Variants in SLC24A3 observed in about 807,000 individuals in gnomAD.
SLC24A3 encodes the protein sodium/potassium/calcium exchanger 3.
Under a neutral mutation model 75.8 loss-of-function variants are expected in SLC24A3, and 28 were observed. The observed-to-expected ratio is 0.37, with a 90% confidence interval of 0.27 to 0.51. The LOEUF (loss-of-function observed/expected upper bound fraction) is 0.51, where lower values mean the gene tolerates loss of function less well. SLC24A3 is among the 20% of genes least tolerant of loss of function. The probability of loss-of-function intolerance (pLI) is 0.94; values close to 1 mark genes in which losing one functional copy is unlikely to be tolerated. For missense variants in SLC24A3, 663 were observed against 847.8 expected, an observed-to-expected ratio of 0.78 and a Z score of 2.71; for synonymous variants, 372 against 334.1, an observed-to-expected ratio of 1.11 and a Z score of -1.24.
intron 3 of SLC24A3, among the ~76,000 whole-genome samples, chr20:19,555,779 C>T (rs762364828): frequency 5.3e-5 from 8 of 152,232 alleles, no homozygotes; most frequent in Non-Finnish European, 1.2e-4. Flanking sequence ...AAGGACCCCT[C>T]TCCTCCCTAT....
intron 2 of SLC24A3, among the ~76,000 whole-genome samples, chr20:19,399,097 G>T (rs1986506721): frequency 6.6e-6 from 1 of 152,016 alleles, no homozygotes; most frequent in Non-Finnish European, 1.5e-5. Context: ...TCTACTTAGT[G>T]TCCATTACAT....
At chr20:19,613,129 A>G (rs1359512830) in intron 6 of SLC24A3, among the ~76,000 whole-genome samples, 2 of 152,204 alleles carry the variant, frequency 1.3e-5, no homozygotes, top group Admixed American at 1.3e-4. Flanking sequence ...GTCCCCACCC[A>G]GAACCCCCAG....
intron 6 of SLC24A3, among the ~76,000 whole-genome samples, chr20:19,624,562 G>A (rs1194231715): frequency 6.6e-6 from 1 of 152,140 alleles, no homozygotes; most frequent in Non-Finnish European, 1.5e-5. Context: ...AAAAGGAAAA[G>A]TGAACTATGC....
chr20:19,720,200 C>T (rs936674934), intron 16 of SLC24A3, among the ~76,000 whole-genome samples: 20 of 152,184 alleles, frequency 1.3e-4, no homozygotes, highest in African/African-American at 3.9e-4. Context: ...AAATGTGGAG[C>T]TGTGTTTTAA....
At chr20:19,596,336 T>C (rs989817976) in intron 6 of SLC24A3, among the ~76,000 whole-genome samples, 1 of 152,182 alleles carries the variant, frequency 6.6e-6, no homozygotes, top group East Asian at 1.9e-4. Flanking sequence ...CAGTTGGAAA[T>C]AGGAGTGATG....
At chr20:19,369,602 T>C (rs930273979) in intron 2 of SLC24A3, among the ~76,000 whole-genome samples, 1 of 152,034 alleles carries the variant, frequency 6.6e-6, no homozygotes, top group Non-Finnish European at 1.5e-5. Flanking sequence ...ATTTCCATTT[T>C]TTTATAATTT....
At chr20:19,259,135 C>CTGGTA (rs1225636013) in intron 1 of SLC24A3, among the ~76,000 whole-genome samples, 4 of 152,190 alleles carry the variant, frequency 2.6e-5, no homozygotes, top group Non-Finnish European at 5.9e-5. Context: ...GGACATCTTG[C>CTGGTA]TGGTATGGCT....
chr20:19,247,446 A>G (rs535286593), intron 1 of SLC24A3, among the ~76,000 whole-genome samples: 6 of 152,330 alleles, frequency 3.9e-5, no homozygotes, highest in South Asian at 4.1e-4. Context: ...TGACTTTCTC[A>G]GAAAACTCTT....
At chr20:19,598,472 T>A (rs892397176) in intron 6 of SLC24A3, among the ~76,000 whole-genome samples, 1 of 152,044 alleles carries the variant, frequency 6.6e-6, no homozygotes, top group East Asian at 1.9e-4. Context: ...GGGTGACATA[T>A]CTTGTGTGTG....
At chr20:19,447,219 G>C (rs1002160370) in intron 2 of SLC24A3, among the ~76,000 whole-genome samples, 5 of 152,188 alleles carry the variant, frequency 3.3e-5, no homozygotes, top group Non-Finnish European at 7.3e-5. Flanking sequence ...AAAATGAAAT[G>C]AGATAATGAA....
intron 2 of SLC24A3, among the ~76,000 whole-genome samples, chr20:19,307,536 A>G (rs148336086): frequency 0.011 from 1,742 of 152,234 alleles, 16 homozygotes; most frequent in Non-Finnish European, 0.016. Flanking sequence ...CTCAGTCATA[A>G]GTGGGAGTTG....
At chr20:19,620,863 C>A (rs1440768819) in intron 6 of SLC24A3, among the ~76,000 whole-genome samples, 2 of 152,276 alleles carry the variant, frequency 1.3e-5, no homozygotes, top group South Asian at 4.1e-4. Context: ...GCTCTCATTG[C>A]ATTTACCAGA....
At chr20:19,341,024 C>CAAA (rs1354911726) in intron 2 of SLC24A3, among the ~76,000 whole-genome samples, 5 of 152,172 alleles carry the variant, frequency 3.3e-5, no homozygotes, top group Non-Finnish European at 7.3e-5. Context: ...TGCATGTAAG[C>CAAA]TCTTCCCTCC....
intron 1 of SLC24A3, among the ~76,000 whole-genome samples, chr20:19,236,178 C>T (rs1982162029): frequency 6.6e-6 from 1 of 152,216 alleles, no homozygotes; most frequent in East Asian, 1.9e-4. Flanking sequence ...ATATGGGACA[C>T]AGTCGTTGCT....
intron 2 of SLC24A3, among the ~76,000 whole-genome samples, chr20:19,304,312 T>G (rs1264247212): frequency 6.6e-6 from 1 of 152,172 alleles, no homozygotes; most frequent in Non-Finnish European, 1.5e-5. Context: ...TCCTTGCTAT[T>G]GAGAGGCTCA....
intron 3 of SLC24A3, among the ~76,000 whole-genome samples, chr20:19,579,430 C>T (rs2031187301): frequency 6.6e-6 from 1 of 152,176 alleles, no homozygotes; most frequent in African/African-American, 2.4e-5. Context: ...TATTTATTCC[C>T]TCATTCCACA....
In SLC24A3 at chr20:19,677,980, C is replaced by T. The variant is rs973154728; in HGVS notation, c.768-3878C>T. ...TGCACCGCCCTTAATCCATTTAACC[C>T]TGAGTGGACACAGCACATGTTTCAG... On this transcript the variant is annotated intron_variant, in intron 9 of 16. Coordinates refer to ENST00000328041, the MANE Select transcript of SLC24A3 (RefSeq NM_020689.4). Among the ~76,000 whole-genome samples the T allele has an allele frequency of 7.9e-5, 12 of 151,676 alleles. No individual in the cohort carries two copies. The South Asian group carries it at 1.5e-3, about 19-fold the overall frequency.
chr20:19,657,660 T>G (rs763132112), intron 7 of SLC24A3, among the ~76,000 whole-genome samples: 51 of 152,316 alleles, frequency 3.3e-4, no homozygotes, highest in Admixed American at 1.0e-3. Flanking sequence ...TCCATGAAAT[T>G]TGAAACTGTC....
chr20:19,641,920 T>C (rs779843743), intron 6 of SLC24A3, among the ~76,000 whole-genome samples: 4 of 152,194 alleles, frequency 2.6e-5, no homozygotes, highest in Non-Finnish European at 4.4e-5. Flanking sequence ...CTTACAATGA[T>C]GTAAGTTAGG....
Sources: allele counts gnomAD v4.1 joint callset (sites outside exome capture counted in the v4.1 genomes callset), GRCh38; gene constraint gnomAD v4.1.1; transcripts MANE v1.5; gene names NCBI Gene and HGNC (gene_info 2026-07-23, HGNC 2026-07-21).